LYRM4: variants seen among roughly 807,000 people sequenced by gnomAD.
The protein encoded by LYRM4 is LYR motif containing 4.
In LYRM4, 9 loss-of-function variants were observed where a neutral mutation model predicts 11.7. The ratio of observed to expected loss-of-function variants is 0.77; its 90% CI spans 0.46 to 1.34. The LOEUF (loss-of-function observed/expected upper bound fraction) is 1.34. Among genes scored for constraint, LYRM4 ranks in the 40% most tolerant of loss-of-function variants. The pLI, the probability that LYRM4 is intolerant of heterozygous loss-of-function variation, is 0.00. For missense variants in LYRM4, 133 were observed against 112.5 expected (o/e 1.18, Z -0.82); for synonymous variants, 42 against 40.4 (o/e 1.04, Z -0.15).
Position 5,108,982 on chromosome 6 carries a change from C to T in LYRM4, c.*441G>A. 1.0e-6 allele frequency: 1 copy of T among 1,001,032 alleles called. No individual in the cohort carries two copies. Among genetic ancestry groups the T allele is most frequent in the Non-Finnish European group, 1.2e-6 (1 of 838,244 alleles). 62.0% of individuals were successfully genotyped at this position (1,001,032 alleles called of 1,614,324 possible). On this transcript the variant is annotated 3_prime_UTR_variant, in exon 3 of 3. Coordinates refer to ENST00000330636, the MANE Select transcript of LYRM4 (RefSeq NM_020408.6). Reference sequence around the variant, plus strand: ...GTTCTCGTCTCAGAGTTGAACCCTCCCTGAGGGCCCCCAACAGCCCTCTCC... The same window carrying T: ...GTTCTCGTCTCAGAGTTGAACCCTCTCTGAGGGCCCCCAACAGCCCTCTCC...
rs115268974 is a variant in LYRM4 at position 5,232,135 on chromosome 6, T to A, written c.87-15397A>T. Among the ~76,000 whole-genome samples, 918 of 152,244 alleles carry A rather than the reference T, an allele frequency of 6.0e-3. 10 individuals carry two copies. The highest frequency in any genetic ancestry group is 0.044 in the South Asian group (210 of 4,824). The stretch of plus-strand genomic sequence containing the variant: ...AGACATGGAAGGTCAAGCCAAAAAA[T>A]GCAGTCTCAAAAAAAACTGTTGAAT... On this transcript the variant is annotated intron_variant, in intron 1 of 2. Transcript: ENST00000330636.
intron 2 of LYRM4, among the ~76,000 whole-genome samples, chr6:5,184,534 G>C (rs934495281): frequency 2.0e-5 from 3 of 152,126 alleles, no homozygotes; most frequent in African/African-American, 7.2e-5. Flanking sequence ...ATTTTAAAAA[G>C]GGCAATCTTA....
chr6:5,125,716 G>A (rs9504335), intron 2 of LYRM4, among the ~76,000 whole-genome samples: 1,697 of 152,330 alleles, frequency 0.011, 32 homozygotes, highest in African/African-American at 0.038. Flanking sequence ...CTAGGAAACT[G>A]AGATATCTGA....
intron 2 of LYRM4, among the ~76,000 whole-genome samples, chr6:5,141,968 C>A (rs1225462379): frequency 6.6e-6 from 1 of 152,072 alleles, no homozygotes; most frequent in East Asian, 1.9e-4. Context: ...CAGCACAAAC[C>A]CATGCCATGA....
intron 1 of LYRM4, among the ~76,000 whole-genome samples, chr6:5,247,885 T>C (rs78877920): frequency 0.012 from 1,785 of 152,358 alleles, 14 homozygotes; most frequent in Middle Eastern, 0.02. Flanking sequence ...TTATTTACTA[T>C]AGTTATAATT....
chr6:5,231,708 G>A (rs772650281), intron 1 of LYRM4, among the ~76,000 whole-genome samples: 2 of 152,264 alleles, frequency 1.3e-5, no homozygotes, highest in Admixed American at 6.5e-5. Flanking sequence ...CTGGGATGCC[G>A]TAAACAACAT....
chr6:5,133,331 C>T (rs966370084), intron 2 of LYRM4, among the ~76,000 whole-genome samples: 6 of 152,212 alleles, frequency 3.9e-5, no homozygotes, highest in African/African-American at 9.7e-5. Flanking sequence ...TTCCTGACAG[C>T]GTCTGCTGTC....
At chr6:5,057,672 A>ATG in the LYRM4 span, among the ~76,000 whole-genome samples, 2 of 150,554 alleles carry the variant, frequency 1.3e-5, no homozygotes, top group Non-Finnish European at 3.0e-5. Context: ...CCGAGATCGC[A>ATG]CCACAGCACT....
chr6:5,171,716 C>T (rs1245036023), intron 2 of LYRM4, among the ~76,000 whole-genome samples: 2 of 152,190 alleles, frequency 1.3e-5, no homozygotes, highest in Admixed American at 6.5e-5. Context: ...CTTTCTGTGG[C>T]GAAAACCCTC....
chr6:5,184,014 A>G (rs147507570), intron 2 of LYRM4, among the ~76,000 whole-genome samples: 1 of 152,240 alleles, frequency 6.6e-6, no homozygotes, highest in Admixed American at 6.5e-5. Flanking sequence ...ATCATGTTGC[A>G]CACCATAAAT....
intron 2 of LYRM4, among the ~76,000 whole-genome samples, chr6:5,151,083 A>T: frequency 1.0e-5 from 1 of 99,680 alleles, no homozygotes; most frequent in African/African-American, 3.8e-5. Flanking sequence ...GTTTGTTTTG[A>T]ATTTTTTTTT....
chr6:5,049,571 C>T, the LYRM4 span, among the ~76,000 whole-genome samples: 1 of 152,206 alleles, frequency 6.6e-6, no homozygotes, highest in African/African-American at 2.4e-5. Flanking sequence ...CCCTCAGTTT[C>T]CTCATCTGTA....
intron 2 of LYRM4, among the ~76,000 whole-genome samples, chr6:5,144,683 C>G (rs113802550): frequency 4.8e-5 from 7 of 145,962 alleles, no homozygotes; most frequent in Non-Finnish European, 9.0e-5. Context: ...TTTTCCAAAC[C>G]GGGTATTTAA....
At chr6:5,037,569 C>T in the LYRM4 span, among the ~76,000 whole-genome samples, 2 of 83,202 alleles carry the variant, frequency 2.4e-5, no homozygotes, top group Admixed American at 1.6e-4. Flanking sequence ...GGGCTCCTCA[C>T]TTCCCAGTAG....
intron 2 of LYRM4, among the ~76,000 whole-genome samples, chr6:5,111,114 A>G (rs1474509940): frequency 6.6e-6 from 1 of 152,212 alleles, no homozygotes; most frequent in Admixed American, 6.5e-5. Flanking sequence ...CTCCACCCTG[A>G]ATAGTACATG....
intron 1 of LYRM4, among the ~76,000 whole-genome samples, chr6:5,238,194 G>C (rs1316277033): frequency 1.3e-5 from 2 of 152,068 alleles, no homozygotes; most frequent in Non-Finnish European, 2.9e-5. Context: ...TCGAAATTCA[G>C]AATAAAATTA....
At chr6:5,259,348 C>A (rs1158394223) in intron 1 of LYRM4, among the ~76,000 whole-genome samples, 1 of 138,712 alleles carries the variant, frequency 7.2e-6, no homozygotes, top group East Asian at 2.1e-4. Context: ...TGCTAAAATT[C>A]CACCAGTATG....
At chr6:5,259,393 G>C (rs1040101440) in intron 1 of LYRM4, among the ~76,000 whole-genome samples, 1 of 152,214 alleles carries the variant, frequency 6.6e-6, no homozygotes, top group African/African-American at 2.4e-5. Context: ...CAAAGTCAAA[G>C]TCATTAAGTA....
intron 2 of LYRM4, chr6:5,187,080 T>C (rs1439840871): frequency 6.3e-5 from 60 of 948,988 alleles, no homozygotes; most frequent in African/African-American, 2.3e-4. Flanking sequence ...TAAGAAACAA[T>C]AGAATGGTGA....
Sources: allele counts gnomAD v4.1 joint callset (sites outside exome capture counted in the v4.1 genomes callset), GRCh38; gene constraint gnomAD v4.1.1; transcripts MANE v1.5; gene names NCBI Gene and HGNC (gene_info 2026-07-23, HGNC 2026-07-21).